Variants in UBE3A observed in about 807,000 individuals in gnomAD.
UBE3A encodes ubiquitin-protein ligase E3A.
UBE3A carries 6 observed loss-of-function variants against 83.4 expected under a neutral mutation model. The ratio of observed to expected loss-of-function variants is 0.07; its 90% CI spans 0.04 to 0.14. The LOEUF (loss-of-function observed/expected upper bound fraction) is 0.14, where lower values mean the gene tolerates loss of function less well. UBE3A is among the 10% of genes least tolerant of loss of function. The pLI, the probability that UBE3A is intolerant of heterozygous loss-of-function variation, is 1.00. For synonymous variants in UBE3A, 337 were observed against 355.4 expected (o/e 0.95, Z 0.58); for missense variants, 456 against 1,036.1 (o/e 0.44, Z 7.69).
At chr15:25,343,670 C>T (rs12909666) in intron 11 of UBE3A, among the ~76,000 whole-genome samples, 3,182 of 151,724 alleles carry the variant, frequency 0.021, 44 homozygotes, top group Non-Finnish European at 0.032. Flanking sequence ...TTTCATTTGG[C>T]AAAAAAATCC....
At chr15:25,367,473 T>G (rs2079517808) in intron 6 of UBE3A, among the ~76,000 whole-genome samples, 1 of 151,920 alleles carries the variant, frequency 6.6e-6, no homozygotes, top group Admixed American at 6.6e-5. Context: ...ATACTGAAAA[T>G]AAGTCCTAGG....
At chr15:25,361,384 A>G (rs1055123458) in intron 6 of UBE3A, among the ~76,000 whole-genome samples, 1 of 152,130 alleles carries the variant, frequency 6.6e-6, no homozygotes, top group African/African-American at 2.4e-5. Flanking sequence ...TCAGCCTCTC[A>G]AAGTGCTGGG....
At chr15:25,409,567 T>C (rs1212816398) in intron 2 of UBE3A, among the ~76,000 whole-genome samples, 2 of 152,192 alleles carry the variant, frequency 1.3e-5, no homozygotes, top group Admixed American at 1.3e-4. Context: ...TTAACTGACT[T>C]GCCCAAGATT....
intron 2 of UBE3A, among the ~76,000 whole-genome samples, chr15:25,410,737 C>T (rs568617645): frequency 6.6e-6 from 1 of 152,204 alleles, no homozygotes; most frequent in African/African-American, 2.4e-5. Flanking sequence ...CAGGGGATTC[C>T]AATAAATGGG....
rs374479256 is a variant in UBE3A, at chr15:25,375,374, C to T, written c.361+91G>A. ...CTACGATATCAAAATGTCTTTATGT[C>T]ACAGAAGAAAAAACAAATAAAAACT... On this transcript the variant is annotated intron_variant, in intron 5 of 12. Coordinates refer to ENST00000648336, the MANE Select transcript of UBE3A (RefSeq NM_130839.5). The T allele has an allele frequency of 1.4e-5, 21 of 1,459,114 alleles. No individual in the cohort carries two copies. In the African/African-American group the frequency reaches 2.3e-4, roughly 16 times the overall value. The allele number at this position is 1,459,114 out of a possible 1,614,324, so 90.4% of individuals were successfully genotyped here.
intron 2 of UBE3A, among the ~76,000 whole-genome samples, chr15:25,410,781 C>T (rs2089834465): frequency 6.6e-6 from 1 of 152,070 alleles, no homozygotes; most frequent in Non-Finnish European, 1.5e-5. Flanking sequence ...ACGCAATCTC[C>T]CAGATACTCC....
At position 25,356,078 on chromosome 15, in the gene UBE3A, T is replaced by C. The variant is rs191147162; in HGVS notation, c.1960-22A>G. 252 of 1,612,968 alleles carry C rather than the reference T, an allele frequency of 1.6e-4. 2 individuals carry two copies. The East Asian group carries it at 4.4e-3, about 28-fold the overall frequency. On this transcript the variant is annotated intron_variant, in intron 8 of 12. Transcript: ENST00000648336. ...GAACCTAGCAACCAGAAATGGTAAATTGAGGCCACCATAGAACTACAAAAT... is the reference window on the plus strand; with the variant it reads ...GAACCTAGCAACCAGAAATGGTAAACTGAGGCCACCATAGAACTACAAAAT...
intron 4 of UBE3A, among the ~76,000 whole-genome samples, chr15:25,395,056 C>G (rs186114022): frequency 6.6e-6 from 1 of 152,240 alleles, no homozygotes; most frequent in African/African-American, 2.4e-5. Context: ...GAGCAGAGAG[C>G]TCTCTGAATC....
intron 4 of UBE3A, among the ~76,000 whole-genome samples, chr15:25,381,077 T>G (rs576611366): frequency 9.5e-4 from 145 of 152,318 alleles, no homozygotes; most frequent in African/African-American, 3.3e-3. Context: ...AGCAATTAAC[T>G]TTGAAAGGCA....
chr15:25,410,610 T>A (rs527986405), intron 2 of UBE3A, among the ~76,000 whole-genome samples: 1 of 152,274 alleles, frequency 6.6e-6, no homozygotes, highest in South Asian at 2.1e-4. Flanking sequence ...CAGCAAGGTA[T>A]CTGCGAATAC....
chr15:25,389,261 C>CAAA (rs57524621), intron 4 of UBE3A, among the ~76,000 whole-genome samples: 6 of 146,198 alleles, frequency 4.1e-5, no homozygotes, highest in Non-Finnish European at 3.0e-5. Flanking sequence ...CATCCACATG[C>CAAA]AAAAAAAAAA....
chr15:25,408,467 A>G (rs2089223142), intron 3 of UBE3A: 4 of 1,084,408 alleles, frequency 3.7e-6, no homozygotes, highest in Non-Finnish European at 5.5e-6. Flanking sequence ...TTTAAAACTG[A>G]AACAATAACC....
intron 1 of UBE3A, among the ~76,000 whole-genome samples, chr15:25,426,066 T>C (rs952195692): frequency 5.9e-5 from 9 of 152,200 alleles, no homozygotes; most frequent in Non-Finnish European, 1.3e-4. Flanking sequence ...ATTTCTTATT[T>C]ACCTACTAAC....
At position 25,337,921 on chromosome 15, in the gene UBE3A, C is replaced by T. The variant is rs567711069; in HGVS notation, c.*1216G>A. 5.3e-5 allele frequency: 8 copies of T among 152,004 alleles called. No homozygotes were observed. Among genetic ancestry groups the T allele is most frequent in the Admixed American group, 1.3e-4 (2 of 15,272 alleles). 9.4% of individuals were successfully genotyped at this position (152,004 alleles called of 1,614,324 possible). On this transcript the variant is annotated 3_prime_UTR_variant, in exon 13 of 13. Transcript: ENST00000648336. Reference sequence around the variant, plus strand: ...ACTTTTCCATAGTACATGAAAGTAACGTTTAACATGTTTTGAATTAATTAA... The same window carrying T: ...ACTTTTCCATAGTACATGAAAGTAATGTTTAACATGTTTTGAATTAATTAA...
intron 4 of UBE3A, among the ~76,000 whole-genome samples, chr15:25,398,761 ATTCTT>A (rs1352401574): frequency 1.8e-5 from 2 of 112,190 alleles, no homozygotes; most frequent in African/African-American, 6.4e-5. Context: ...CACTGATTTT[ATTCTT>A]TTATTTATAT....
intron 8 of UBE3A, 28 bp downstream of exon 8, chr15:25,356,663 T>C: frequency 1.2e-6 from 2 of 1,604,060 alleles, no homozygotes; most frequent in East Asian, 2.2e-5. Flanking sequence ...TCTAAGAGAC[T>C]GAATTAAAAA....
At chr15:25,345,681 C>G (rs1182630698) in intron 11 of UBE3A, 2 of 151,550 alleles carry the variant, frequency 1.3e-5, no homozygotes, top group African/African-American at 2.4e-5. Flanking sequence ...TACAGAAAAT[C>G]AAAGTACATG....
intron 3 of UBE3A, chr15:25,407,845 C>T (rs1472761933): frequency 6.6e-6 from 1 of 152,174 alleles, no homozygotes; most frequent in Admixed American, 6.5e-5. Context: ...ATAATAGTTT[C>T]TGTCTGAATG....
At chr15:25,363,256 T>C (rs2078427088) in intron 6 of UBE3A, among the ~76,000 whole-genome samples, 1 of 149,142 alleles carries the variant, frequency 6.7e-6, no homozygotes, top group Non-Finnish European at 1.5e-5. Flanking sequence ...ATCTGTAAAA[T>C]AACCATAATA....
Sources: allele counts gnomAD v4.1 joint callset (sites outside exome capture counted in the v4.1 genomes callset), GRCh38; gene constraint gnomAD v4.1.1; transcripts MANE v1.5; gene names NCBI Gene and HGNC (gene_info 2026-07-23, HGNC 2026-07-21).